RBFOX1: variants seen among roughly 807,000 people sequenced by gnomAD.
RBFOX1 encodes RNA binding fox-1 homolog 1, also known as RNA binding protein fox-1 homolog 1.
A neutral mutation model predicts 57.7 loss-of-function variants in RBFOX1; 8 were observed. That is an observed-to-expected ratio of 0.14 (90% confidence interval 0.08 to 0.25). The LOEUF (loss-of-function observed/expected upper bound fraction) is 0.25. RBFOX1 is among the 10% of genes least tolerant of loss of function. The pLI, the probability that RBFOX1 is intolerant of heterozygous loss-of-function variation, is 1.00. For missense variants in RBFOX1, 611 were observed against 548.5 expected, an observed-to-expected ratio of 1.11 and a Z score of -1.14; for synonymous variants, 326 against 222.4, an observed-to-expected ratio of 1.47 and a Z score of -4.15.
In RBFOX1 at chr16:7,183,316, A is replaced by G. The variant is rs537569850; in HGVS notation, c.27+131218A>G. 1.2e-3 allele frequency among the ~76,000 whole-genome samples: 188 copies of G among 152,262 alleles called. 1 individual carries two copies. The highest frequency in any genetic ancestry group is 4.5e-3 in the African/African-American group (185 of 41,564). ...TCGTGCTTGTCAATTTACAGAGGGT[A>G]GTGAGGGTAGGGGTTGATCTCAAAT... On this transcript the variant is annotated intron_variant, in intron 4 of 15. Coordinates refer to ENST00000550418, the MANE Select transcript of RBFOX1 (RefSeq NM_018723.4).
intron 2 of RBFOX1, among the ~76,000 whole-genome samples, chr16:6,504,245 T>C (rs960994480): frequency 3.9e-5 from 6 of 152,196 alleles, no homozygotes; most frequent in Non-Finnish European, 7.3e-5. Context: ...AGTATGTCGA[T>C]TCTGAGCTTC....
intron 2 of RBFOX1, among the ~76,000 whole-genome samples, chr16:6,653,854 G>A (rs551455487): frequency 6.6e-6 from 1 of 151,762 alleles, no homozygotes; most frequent in South Asian, 2.1e-4. Flanking sequence ...TTGGATAGAT[G>A]GGGATGGCTG....
chr16:7,281,383 T>C (rs1203966445), intron 4 of RBFOX1, among the ~76,000 whole-genome samples: 6 of 151,838 alleles, frequency 4.0e-5, no homozygotes, highest in Admixed American at 1.3e-4. Flanking sequence ...GCTTCCCTTA[T>C]TGTATGAGAG....
chr16:6,375,748 G>C (rs1436426516), intron 2 of RBFOX1, among the ~76,000 whole-genome samples: 2 of 152,088 alleles, frequency 1.3e-5, no homozygotes, highest in Non-Finnish European at 2.9e-5. Flanking sequence ...GACGGAGCGA[G>C]AATGAGTACC....
intron 4 of RBFOX1, among the ~76,000 whole-genome samples, chr16:7,367,194 A>G (rs1314183501): frequency 6.6e-6 from 1 of 152,178 alleles, no homozygotes; most frequent in Non-Finnish European, 1.5e-5. Context: ...GGAATGGCTG[A>G]GGCCCCCACC....
intron 4 of RBFOX1, among the ~76,000 whole-genome samples, chr16:5,937,750 T>C (rs2059196508): frequency 6.7e-6 from 1 of 149,346 alleles, no homozygotes; most frequent in Non-Finnish European, 1.5e-5. Context: ...ACTATAAATA[T>C]GTACAGATAC....
intron 3 of RBFOX1, among the ~76,000 whole-genome samples, chr16:5,849,419 G>C (rs78378921): frequency 0.055 from 8,325 of 152,154 alleles, 291 homozygotes; most frequent in Admixed American, 0.096. Context: ...CTGGGGCACT[G>C]ATGCATTTGC....
rs752708172 is a variant in RBFOX1 at position 7,296,120 on chromosome 16, C to T, written c.28-222027C>T. Reference sequence around the variant, plus strand: ...TCGGTGGTTCCCAAATGCCGATCCACAGACTCATTGGATTCTGTAATGACA... The same window carrying T: ...TCGGTGGTTCCCAAATGCCGATCCATAGACTCATTGGATTCTGTAATGACA... On this transcript the variant is annotated intron_variant, in intron 4 of 15. Transcript: ENST00000550418. Among the ~76,000 whole-genome samples, 64 of 149,088 alleles carry T rather than the reference C, an allele frequency of 4.3e-4. 1 individual carries two copies. The highest frequency in any genetic ancestry group is 6.8e-4 in the Non-Finnish European group (46 of 67,182).
chr16:5,254,434 C>T (rs1304843539), intron 1 of RBFOX1, among the ~76,000 whole-genome samples: 1 of 152,152 alleles, frequency 6.6e-6, no homozygotes, highest in African/African-American at 2.4e-5. Context: ...TCTGACTCGC[C>T]TTTAGTAAAG....
chr16:5,380,132 A>G (rs928888006), intron 1 of RBFOX1, among the ~76,000 whole-genome samples: 1 of 152,156 alleles, frequency 6.6e-6, no homozygotes, highest in Non-Finnish European at 1.5e-5. Flanking sequence ...GATTGTCGTC[A>G]TCCTTCCCGT....
At chr16:6,560,222 A>C (rs1164182602) in intron 2 of RBFOX1, among the ~76,000 whole-genome samples, 1 of 150,056 alleles carries the variant, frequency 6.7e-6, no homozygotes, top group Non-Finnish European at 1.5e-5. Flanking sequence ...TCAATATTCT[A>C]GTTGGGGGGA....
rs185653933 is a variant in RBFOX1, at chr16:7,107,000, C to A, written c.27+54902C>A. On this transcript the variant is annotated intron_variant, in intron 4 of 15. Transcript: ENST00000550418. ...CACAGTTAAAACACACACACACACA[C>A]ACACACACTAAATGAACAAATGCAT... Among the ~76,000 whole-genome samples the A allele has an allele frequency of 1.3e-4, 19 of 151,962 alleles. No homozygotes were observed. The South Asian group carries it at 3.7e-3, about 30-fold the overall frequency.
intron 4 of RBFOX1, among the ~76,000 whole-genome samples, chr16:7,170,129 T>C (rs569865681): frequency 1.3e-5 from 2 of 152,296 alleles, no homozygotes; most frequent in African/African-American, 4.8e-5. Context: ...GTAATTAATA[T>C]ATCTTATGTT....
At chr16:6,908,478 C>T (rs902948985) in intron 3 of RBFOX1, among the ~76,000 whole-genome samples, 1 of 152,146 alleles carries the variant, frequency 6.6e-6, no homozygotes, top group South Asian at 2.1e-4. Context: ...CCCAGCATGC[C>T]CAATCCTCTA....
intron 3 of RBFOX1, among the ~76,000 whole-genome samples, chr16:6,806,837 T>TATTTATATATATATATATA (rs1491107829): frequency 1.2e-4 from 8 of 68,902 alleles, no homozygotes; most frequent in South Asian, 5.0e-4. Flanking sequence ...TATATATATA[T>TATTTATATATATATATATA]TTTTTTTTTT....
chr16:7,346,352 A>G (rs767479565), intron 4 of RBFOX1, among the ~76,000 whole-genome samples: 36 of 151,534 alleles, frequency 2.4e-4, no homozygotes, highest in Non-Finnish European at 4.7e-4. Context: ...TCTACCCAAG[A>G]GGGCAGTGTA....
At chr16:6,571,232 C>G (rs779485288) in intron 2 of RBFOX1, among the ~76,000 whole-genome samples, 1 of 152,258 alleles carries the variant, frequency 6.6e-6, no homozygotes, top group South Asian at 2.1e-4. Context: ...GAGGCTCTTG[C>G]CGTTGATAAT....
intron 1 of RBFOX1, among the ~76,000 whole-genome samples, chr16:5,398,567 C>CTT (rs370820042): frequency 0.027 from 3,993 of 148,876 alleles, 134 homozygotes; most frequent in African/African-American, 0.081. Context: ...TGCATCTGTA[C>CTT]GTGTGTGTGT....
chr16:6,541,225 G>C (rs2096812629), intron 2 of RBFOX1, among the ~76,000 whole-genome samples: 2 of 152,188 alleles, frequency 1.3e-5, no homozygotes, highest in Non-Finnish European at 2.9e-5. Flanking sequence ...GCTCTGAAGG[G>C]AGACAGACTG....
Sources: gnomAD v4.1 joint callset for allele counts (sites outside exome capture counted in the v4.1 genomes callset) on GRCh38, gnomAD v4.1.1 for gene constraint, MANE v1.5 for transcripts, NCBI Gene and HGNC (gene_info 2026-07-23, HGNC 2026-07-21) for gene names.